The following SEPTIN9 variants were observed in gnomAD, a reference collection of about 807,000 sequenced individuals.
The protein encoded by SEPTIN9 is septin-9.
In SEPTIN9, 13 loss-of-function variants were observed where a neutral mutation model predicts 56.6. The ratio of observed to expected loss-of-function variants is 0.23; its 90% confidence interval spans 0.15 to 0.37. The LOEUF is 0.37. SEPTIN9 is among the 10% of genes least tolerant of loss of function. The pLI, the probability that SEPTIN9 is intolerant of heterozygous loss-of-function variation, is 1.00. For missense variants in SEPTIN9, 650 were observed against 823.1 expected, an observed-to-expected ratio of 0.79 and a Z score of 2.57; for synonymous variants, 332 against 334.1, an observed-to-expected ratio of 0.99 and a Z score of 0.07.
At chr17:77,481,902 G>T in intron 3 of SEPTIN9, 1 of 575,594 alleles carries the variant, frequency 1.7e-6, no homozygotes, top group South Asian at 2.2e-5. Context: ...GGCCTTGGGA[G>T]TCTGGGGATG....
In SEPTIN9 at chr17:77,476,252, C is replaced by T. The variant is rs1263612349; in HGVS notation, c.722-5892C>T. Among the ~76,000 whole-genome samples, 1 of 152,188 alleles carries T rather than the reference C, an allele frequency of 6.6e-6. No homozygotes were observed. The highest frequency in any genetic ancestry group is 1.5e-5 in the Non-Finnish European group (1 of 68,022). ...GCAAGCCTGCTGTGTCAAGCCCTCT[C>T]TCGGCACCAGGCCAGGTGGGCCAGG... On this transcript the variant is annotated intron_variant, in intron 3 of 11. Coordinates refer to ENST00000427177, the MANE Select transcript of SEPTIN9 (RefSeq NM_001113491.2). The surrounding 1 kb of genome is among the most constrained non-coding windows in gnomAD (Gnocchi z 6.0).
Position 77,323,491 on chromosome 17 carries a change from C to T in SEPTIN9, c.76+16294C>T, listed in dbSNP as rs753015434. Among the ~76,000 whole-genome samples, 1 of 152,086 alleles carries T rather than the reference C, an allele frequency of 6.6e-6. No homozygotes were observed. Among genetic ancestry groups the T allele is most frequent in the African/African-American group, 2.4e-5 (1 of 41,400 alleles). On this transcript the variant is annotated intron_variant, in intron 2 of 11. Coordinates refer to ENST00000427177, the MANE Select transcript of SEPTIN9 (RefSeq NM_001113491.2). The surrounding 1 kb of genome is among the most constrained non-coding windows in gnomAD (Gnocchi z 6.8). ...GAGGGCTGCAGGCAGGGGAAGTGGCCGTCTGTGCATGGTCATGAATGCAGG... is the reference window on the plus strand; with the variant it reads ...GAGGGCTGCAGGCAGGGGAAGTGGCTGTCTGTGCATGGTCATGAATGCAGG...
At chr17:77,320,153 G>A in intron 2 of SEPTIN9, 1 of 1,514,744 alleles carries the variant, frequency 6.6e-7, no homozygotes. Flanking sequence ...TGGTAATTCG[G>A]ATGCATTCGT....
chr17:77,482,480 T>C (rs2039497056), intron 4 of SEPTIN9, 145 bp downstream of exon 4: 2 of 832,404 alleles, frequency 2.4e-6, no homozygotes, highest in Non-Finnish European at 2.0e-6. Context: ...CCAGTGACAT[T>C]GCGTGTGCAT....
At position 77,425,488 on chromosome 17, in the gene SEPTIN9, TG is replaced by T. The variant is rs2036870691; in HGVS notation, c.721+22789del. Among the ~76,000 whole-genome samples, 1 of 152,064 alleles carries T rather than the reference TG, an allele frequency of 6.6e-6. No homozygotes were observed. Among genetic ancestry groups the T allele is most frequent in the Non-Finnish European group, 1.5e-5 (1 of 68,004 alleles). On this transcript the variant is annotated intron_variant, in intron 3 of 11. Transcript: ENST00000427177. This position sits in a 1 kb window ranked among gnomAD's most constrained non-coding sequence, Gnocchi z 4.2. ...CTCTTCCTGGCCCCCTCTCTGGTCATGGGGACGCTGCCTGGGGGGGGTTCCC... is the reference window on the plus strand; with the variant it reads ...CTCTTCCTGGCCCCCTCTCTGGTCATGGGACGCTGCCTGGGGGGGGTTCCC...
At position 77,327,076 on chromosome 17, in the gene SEPTIN9, GA is replaced by G. The variant is rs898951451; in HGVS notation, c.76+19889del. Among the ~76,000 whole-genome samples the G allele has an allele frequency of 8.2e-3, 1,209 of 147,668 alleles. 12 individuals are homozygous for G. The highest frequency in any genetic ancestry group is 0.028 in the African/African-American group (1,131 of 40,262). On this transcript the variant is annotated intron_variant, in intron 2 of 11. Coordinates refer to ENST00000427177, the MANE Select transcript of SEPTIN9 (RefSeq NM_001113491.2). This position sits in a 1 kb window ranked among gnomAD's most constrained non-coding sequence, Gnocchi z 5.0. ...ATGAGCCCCAGGAACATGTGTAAAA[GA>G]AAAAAAAAAGAATAAACCATAGCTG... is the stretch of plus-strand genomic sequence containing the variant.
Position 77,402,440 on chromosome 17 carries a change from C to A in SEPTIN9, c.458C>A (p.Thr153Asn). The change falls in exon 3 of 12, where the codon ACC (threonine) becomes AAC (asparagine). Residue 153 changes from threonine (T) to asparagine (N), a missense_variant. Transcript: ENST00000427177. The surrounding 1 kb of genome is among the most constrained non-coding windows in gnomAD (Gnocchi z 6.6). Reference protein sequence around the residue: ...PEPAPRRTEITIVKPQESAHR... With the variant: ...PEPAPRRTEINIVKPQESAHR... ...CCGGCCCCTCGGAGGACGGAGATCACCATCGTCAAACCCCAGGAGTCAGCC... is the reference window on the plus strand; with the variant it reads ...CCGGCCCCTCGGAGGACGGAGATCAACATCGTCAAACCCCAGGAGTCAGCC... The A allele has an allele frequency of 6.2e-7, 1 of 1,610,526 alleles. No homozygotes were observed. The highest frequency in any genetic ancestry group is 8.5e-7 in the Non-Finnish European group (1 of 1,178,788).
At chr17:77,363,018 C>A (rs865862665) in intron 2 of SEPTIN9, among the ~76,000 whole-genome samples, 8 of 152,174 alleles carry the variant, frequency 5.3e-5, no homozygotes, top group Non-Finnish European at 1.2e-4. Flanking sequence ...ATGACCAAGG[C>A]GGGGAGAAGT....
Position 77,482,256 on chromosome 17 carries a change from C to T in SEPTIN9, c.834C>T (p.Tyr278=), listed in dbSNP as rs753009286. ...RNEKAPVDFG[Y]VGIDSILEQM... ...AGAAGGCCCCGGTGGACTTCGGCTA[C>T]GTGGGGATTGACTCCATCCTGGAGC... The change falls in exon 4 of 12, where the codon TAC becomes TAT. Residue 278 remains tyrosine (Y), a synonymous_variant. Coordinates refer to ENST00000427177, the MANE Select transcript of SEPTIN9 (RefSeq NM_001113491.2). The T allele has an allele frequency of 2.2e-5, 36 of 1,613,080 alleles. No homozygotes were observed. The highest frequency in any genetic ancestry group is 6.7e-5 in the Admixed American group (4 of 60,010).
At chr17:77,403,419 A>G (rs1013146665) in intron 3 of SEPTIN9, among the ~76,000 whole-genome samples, 3 of 152,204 alleles carry the variant, frequency 2.0e-5, no homozygotes, top group Admixed American at 6.5e-5. Context: ...GAGAGAGGCC[A>G]TGGGGCTCCA....
chr17:77,320,484 G>A (rs2032873488), intron 2 of SEPTIN9: 1 of 820,872 alleles, frequency 1.2e-6, no homozygotes, highest in African/African-American at 1.7e-5. Flanking sequence ...CTTTTTGACG[G>A]TTCCAAGCTC....
intron 2 of SEPTIN9, among the ~76,000 whole-genome samples, chr17:77,354,536 G>C (rs895204773): frequency 6.6e-6 from 1 of 152,170 alleles, no homozygotes; most frequent in African/African-American, 2.4e-5. Context: ...CTGGGGGAGG[G>C]CTGAACGACC....
chr17:77,461,860 GC>G (rs1399099483), intron 3 of SEPTIN9, among the ~76,000 whole-genome samples: 2 of 152,306 alleles, frequency 1.3e-5, no homozygotes, highest in Non-Finnish European at 2.9e-5. Context: ...CCACCTGAAG[GC>G]CCAAGACCCA....
rs372833949 is a variant in SEPTIN9 at position 77,408,346 on chromosome 17, C to T, written c.721+5643C>T. 2.6e-5 allele frequency among the ~76,000 whole-genome samples: 4 copies of T among 152,278 alleles called. No individual in the cohort carries two copies. In the East Asian group the frequency reaches 7.7e-4, roughly 29 times the overall value. On this transcript the variant is annotated intron_variant, in intron 3 of 11. Coordinates refer to ENST00000427177, the MANE Select transcript of SEPTIN9 (RefSeq NM_001113491.2). ...TGTGAACATGGATGTGAAATTGGGG[C>T]GGGGTAGACATGGCAGCATGTCTCA... is the stretch of plus-strand genomic sequence containing the variant.
At chr17:77,350,253 G>A (rs757900755) in intron 2 of SEPTIN9, among the ~76,000 whole-genome samples, 6 of 152,230 alleles carry the variant, frequency 3.9e-5, no homozygotes, top group Non-Finnish European at 8.8e-5. Flanking sequence ...CGGGAAGCCT[G>A]TTGAGCCCTC....
rs1192616842 is a variant in SEPTIN9 at position 77,327,235 on chromosome 17, C to T, written c.76+20038C>T. Among the ~76,000 whole-genome samples the T allele has an allele frequency of 2.0e-5, 3 of 151,678 alleles. No homozygotes were observed. The highest frequency in any genetic ancestry group is 4.8e-5 in the African/African-American group (2 of 41,326). On this transcript the variant is annotated intron_variant, in intron 2 of 11. Coordinates refer to ENST00000427177, the MANE Select transcript of SEPTIN9 (RefSeq NM_001113491.2). The surrounding 1 kb of genome is among the most constrained non-coding windows in gnomAD (Gnocchi z 5.0). ...CTGTAGTGGTCTCGCTGGCTGCTGC[C>T]CTCAGGTTAGTTTATTTTTACCCGG...
rs1239221238 is a variant in SEPTIN9 at position 77,499,365 on chromosome 17, G to A, written c.*707G>A. On this transcript the variant is annotated 3_prime_UTR_variant, in exon 12 of 12. Transcript: ENST00000427177. ...ATGAGGGAGGCGTCTTCATCTCCCT[G>A]CCATCCCCCTCTCACGCCACCCCCG... 2 of 579,318 alleles carry A rather than the reference G, an allele frequency of 3.5e-6. No homozygotes were observed. The highest frequency in any genetic ancestry group is 6.7e-6 in the Non-Finnish European group (2 of 300,542). The allele number at this position is 579,318 out of a possible 1,614,324, so 35.9% of individuals were successfully genotyped here.
At chr17:77,423,040 T>TGCATC in intron 3 of SEPTIN9, among the ~76,000 whole-genome samples, 1 of 151,722 alleles carries the variant, frequency 6.6e-6, no homozygotes, top group Non-Finnish European at 1.5e-5. Context: ...TACCTGCATC[T>TGCATC]TTTTTTTTCT....
rs1242389100 is a variant in SEPTIN9, at chr17:77,437,745, C to T, written c.721+35042C>T. ...AGTGGCCTGGGAGAATCATCTGTCACGAGCCAAGGATGGAGTTTCTGGGGA... is the reference window on the plus strand; with the variant it reads ...AGTGGCCTGGGAGAATCATCTGTCATGAGCCAAGGATGGAGTTTCTGGGGA... On this transcript the variant is annotated intron_variant, in intron 3 of 11. Transcript: ENST00000427177. The surrounding 1 kb of genome is among the most constrained non-coding windows in gnomAD (Gnocchi z 5.3). Among the ~76,000 whole-genome samples the T allele has an allele frequency of 6.6e-6, 1 of 152,186 alleles. No individual in the cohort carries two copies. The highest frequency in any genetic ancestry group is 2.4e-5 in the African/African-American group (1 of 41,452).
Sources: gnomAD v4.1 joint callset for allele counts (sites outside exome capture counted in the v4.1 genomes callset) on GRCh38, gnomAD v4.1.1 for gene constraint, Gnocchi (gnomAD v3.1) non-coding constraint, MANE v1.5 for transcripts, NCBI Gene and HGNC (gene_info 2026-07-23, HGNC 2026-07-21) for gene names.